The following PLCB1 variants were observed in gnomAD, a reference collection of about 807,000 sequenced individuals.
PLCB1 encodes 1-phosphatidylinositol 4,5-bisphosphate phosphodiesterase beta-1.
In PLCB1, 46 loss-of-function variants were observed where a neutral mutation model predicts 161.8. The ratio of observed to expected loss-of-function variants is 0.28; its 90% CI spans 0.22 to 0.36. The LOEUF (loss-of-function observed/expected upper bound fraction) is 0.36, where lower values mean the gene tolerates loss of function less well. Ranked by LOEUF, PLCB1 falls within the 10% of genes least tolerant of loss-of-function variation. The pLI is 1.00. For synonymous variants in PLCB1, 517 were observed against 503.7 expected (o/e 1.03, Z -0.35); for missense variants, 1,016 against 1,472.5 (o/e 0.69, Z 5.07).
At chr20:8,334,766 T>G (rs1985508297) in intron 2 of PLCB1, among the ~76,000 whole-genome samples, 1 of 152,226 alleles carries the variant, frequency 6.6e-6, no homozygotes, top group South Asian at 2.1e-4. Context: ...CTGTGGTCAT[T>G]CTGGTTCTAT....
At chr20:8,873,155 G>A (rs1340330549) in intron 31 of PLCB1, among the ~76,000 whole-genome samples, 2 of 95,288 alleles carry the variant, frequency 2.1e-5, no homozygotes, top group Non-Finnish European at 4.6e-5. Context: ...TTAGGATATA[G>A]CATGTGGTCA....
chr20:8,495,697 G>A lies in PLCB1; in HGVS notation c.246+124247G>A, dbSNP rs369749193. Among the ~76,000 whole-genome samples the A allele has an allele frequency of 2.4e-3, 370 of 151,968 alleles. 5 individuals are homozygous for A. The highest frequency in any genetic ancestry group is 0.014 in the South Asian group (67 of 4,796). The stretch of plus-strand genomic sequence containing the variant: ...CAGGCGTGAGCCACCGCGCCTGGCC[G>A]ATTTACCTTCCTTACTTAACCAATC... On this transcript the variant is annotated intron_variant, in intron 3 of 31. Coordinates refer to ENST00000338037, the MANE Select transcript of PLCB1 (RefSeq NM_015192.4).
At chr20:8,242,059 C>T (rs1002540779) in intron 2 of PLCB1, among the ~76,000 whole-genome samples, 9 of 151,930 alleles carry the variant, frequency 5.9e-5, no homozygotes, top group Non-Finnish European at 1.3e-4. Flanking sequence ...TCATGATAAA[C>T]AGCCAGATAT....
At chr20:8,724,141 C>A (rs989155319) in intron 15 of PLCB1, among the ~76,000 whole-genome samples, 1 of 147,514 alleles carries the variant, frequency 6.8e-6, no homozygotes, top group African/African-American at 2.5e-5. Context: ...ACAAAATAAT[C>A]TGCACAACAA....
At chr20:8,475,447 A>C (rs1451184782) in intron 3 of PLCB1, among the ~76,000 whole-genome samples, 1 of 152,146 alleles carries the variant, frequency 6.6e-6, no homozygotes, top group Non-Finnish European at 1.5e-5. Flanking sequence ...AAAAAGACAG[A>C]GATGTCCTTG....
rs990819956 is a variant in PLCB1 at position 8,779,438 on chromosome 20, G to A, written c.3111+4719G>A. ...CGATAAGCACCTAGAGGATATTTTT[G>A]ATGTAATTGTTCATATCATGATACG... On this transcript the variant is annotated intron_variant, in intron 27 of 31. Transcript: ENST00000338037. Among the ~76,000 whole-genome samples the A allele has an allele frequency of 4.4e-5, 6 of 135,212 alleles. No homozygotes were observed. The East Asian group carries it at 7.2e-4, about 16-fold the overall frequency. 88.7% of individuals were successfully genotyped at this position (135,212 alleles called of 152,430 possible). A position where few individuals can be genotyped will look rare whatever the true frequency, so the allele number is the denominator to read the frequency against.
At chr20:8,385,899 A>G (rs1433825151) in intron 3 of PLCB1, among the ~76,000 whole-genome samples, 4 of 152,116 alleles carry the variant, frequency 2.6e-5, no homozygotes, top group African/African-American at 9.7e-5. Context: ...GGATTCACAC[A>G]CTATTATGAT....
chr20:8,381,885 G>T (rs1405605203), intron 3 of PLCB1, among the ~76,000 whole-genome samples: 1 of 150,088 alleles, frequency 6.7e-6, no homozygotes, highest in Non-Finnish European at 1.5e-5. Context: ...TAATTTTTTC[G>T]GGAAAAAAAG....
chr20:8,408,483 C>T (rs1479520962), intron 3 of PLCB1, among the ~76,000 whole-genome samples: 1 of 151,370 alleles, frequency 6.6e-6, no homozygotes, highest in Non-Finnish European at 1.5e-5. Context: ...GAAATAGGTA[C>T]TGTAAAACTG....
At chr20:8,459,034 G>T (rs1349839439) in intron 3 of PLCB1, among the ~76,000 whole-genome samples, 1 of 152,182 alleles carries the variant, frequency 6.6e-6, no homozygotes, top group Non-Finnish European at 1.5e-5. Flanking sequence ...CAATTTAAAA[G>T]CTGGGTTTTA....
intron 14 of PLCB1, among the ~76,000 whole-genome samples, chr20:8,720,774 C>G (rs928646250): frequency 1.3e-5 from 2 of 151,610 alleles, no homozygotes; most frequent in African/African-American, 4.9e-5. Flanking sequence ...ATTGTTGGGT[C>G]CCATGAAGTA....
intron 2 of PLCB1, among the ~76,000 whole-genome samples, chr20:8,315,071 G>A (rs973146979): frequency 6.6e-6 from 1 of 152,158 alleles, no homozygotes; most frequent in African/African-American, 2.4e-5. Flanking sequence ...GTGGGGGAGA[G>A]CAAGGCAAGC....
chr20:8,727,768 TATAAGATATATGTAAAGAAATA>T (rs1475493513), intron 17 of PLCB1, among the ~76,000 whole-genome samples: 1 of 152,048 alleles, frequency 6.6e-6, no homozygotes, highest in African/African-American at 2.4e-5. Flanking sequence ...TTTACACATA[TATAAGATATATGTAAAGAAATA>T]TATACCTGAC....
At chr20:8,142,568 T>G (rs1419770114) in intron 1 of PLCB1, among the ~76,000 whole-genome samples, 1 of 152,178 alleles carries the variant, frequency 6.6e-6, no homozygotes, top group Non-Finnish European at 1.5e-5. Flanking sequence ...ATATTCTAAA[T>G]TTTACCATTA....
At chr20:8,627,645 C>T (rs1369411730) in intron 3 of PLCB1, among the ~76,000 whole-genome samples, 2 of 152,230 alleles carry the variant, frequency 1.3e-5, no homozygotes, top group Non-Finnish European at 2.9e-5. Context: ...CCTTTCCCAG[C>T]AGGACTACAT....
At chr20:8,683,639 G>C (rs1028190447) in intron 9 of PLCB1, among the ~76,000 whole-genome samples, 3 of 151,958 alleles carry the variant, frequency 2.0e-5, no homozygotes, top group Non-Finnish European at 4.4e-5. Flanking sequence ...CAATAAAGTT[G>C]ACAAAAGAAT....
At chr20:8,702,376 A>G (rs928302006) in intron 11 of PLCB1, among the ~76,000 whole-genome samples, 1 of 152,068 alleles carries the variant, frequency 6.6e-6, no homozygotes, top group Non-Finnish European at 1.5e-5. Flanking sequence ...TTCTCCCTTT[A>G]GGCAGCTTCC....
chr20:8,393,521 A>C (rs1987672559), intron 3 of PLCB1, among the ~76,000 whole-genome samples: 1 of 152,078 alleles, frequency 6.6e-6, no homozygotes, highest in African/African-American at 2.4e-5. Context: ...GCAGTGGTGC[A>C]TGCCTGCCTA....
intron 3 of PLCB1, among the ~76,000 whole-genome samples, chr20:8,452,630 T>C (rs1314614693): frequency 3.9e-5 from 6 of 152,198 alleles, no homozygotes; most frequent in Non-Finnish European, 8.8e-5. Context: ...AGAGCCAGGT[T>C]GTACAGAAAG....
Sources: gnomAD v4.1 joint callset for allele counts (sites outside exome capture counted in the v4.1 genomes callset) on GRCh38, gnomAD v4.1.1 for gene constraint, MANE v1.5 for transcripts, NCBI Gene and HGNC (gene_info 2026-07-23, HGNC 2026-07-21) for gene names.